Variants in ASTN1 observed in about 807,000 individuals in gnomAD.
ASTN1 encodes astrotactin 1, also known as astrotactin-1.
Under a neutral mutation model 140.7 loss-of-function variants are expected in ASTN1, and 41 were observed. The ratio of observed to expected loss-of-function variants is 0.29; its 90% CI spans 0.23 to 0.38. The LOEUF (loss-of-function observed/expected upper bound fraction) is 0.38. Among genes scored for constraint, ASTN1 ranks in the 10% least tolerant of loss-of-function variants. The probability of loss-of-function intolerance (pLI) is 1.00; values close to 1 mark genes in which losing one functional copy is unlikely to be tolerated. For missense variants in ASTN1, 1,479 were observed against 1,678.8 expected (o/e 0.88, Z 2.08); for synonymous variants, 640 against 652.2 (o/e 0.98, Z 0.29).
intron 1 of ASTN1, among the ~76,000 whole-genome samples, chr1:177,090,903 C>T (rs1214984870): frequency 6.7e-6 from 1 of 150,116 alleles, no homozygotes; most frequent in Non-Finnish European, 1.5e-5. Context: ...ATTCCTTTAC[C>T]ATTCTGTCTA....
chr1:177,050,601 A>G (rs1196428688), intron 2 of ASTN1, among the ~76,000 whole-genome samples: 1 of 152,130 alleles, frequency 6.6e-6, no homozygotes, highest in African/African-American at 2.4e-5. Context: ...ACCCCTTGCA[A>G]TCTTGGGGAA....
intron 5 of ASTN1, among the ~76,000 whole-genome samples, chr1:177,025,894 G>A (rs1274203382): frequency 6.6e-6 from 1 of 152,138 alleles, no homozygotes; most frequent in Non-Finnish European, 1.5e-5. Context: ...AGTCTTAGGA[G>A]GCAGCTCCCC....
intron 8 of ASTN1, among the ~76,000 whole-genome samples, chr1:177,004,854 G>A (rs549441994): frequency 6.6e-6 from 1 of 152,214 alleles, no homozygotes; most frequent in East Asian, 1.9e-4. Context: ...TTAAATCTAA[G>A]ATCTGAAACC....
chr1:177,076,277 T>G (rs1355055866), intron 1 of ASTN1, among the ~76,000 whole-genome samples: 1 of 29,356 alleles, frequency 3.4e-5, no homozygotes, highest in African/African-American at 1.1e-4. Context: ...AGACTATGTC[T>G]CAAAAAAAAA....
At chr1:177,106,685 A>G (rs930267058) in intron 1 of ASTN1, among the ~76,000 whole-genome samples, 1 of 152,228 alleles carries the variant, frequency 6.6e-6, no homozygotes, top group African/African-American at 2.4e-5. Context: ...CTAAGATTAT[A>G]GACTTCTCAT....
intron 16 of ASTN1, among the ~76,000 whole-genome samples, chr1:176,903,800 G>A (rs1669869220): frequency 6.6e-6 from 1 of 152,090 alleles, no homozygotes; most frequent in South Asian, 2.1e-4. Context: ...TTCCAGTTCT[G>A]GAGTCTTCAA....
At chr1:176,880,943 G>A (rs938115794) in intron 20 of ASTN1, among the ~76,000 whole-genome samples, 1 of 152,198 alleles carries the variant, frequency 6.6e-6, no homozygotes, top group African/African-American at 2.4e-5. Flanking sequence ...AATGAAGGCC[G>A]CCCTCCTCCC....
chr1:176,909,303 T>C (rs960690992), intron 16 of ASTN1, among the ~76,000 whole-genome samples: 1 of 152,226 alleles, frequency 6.6e-6, no homozygotes, highest in Non-Finnish European at 1.5e-5. Flanking sequence ...AAAGTTTTGA[T>C]GCATGAGATC....
intron 1 of ASTN1, among the ~76,000 whole-genome samples, chr1:177,065,491 T>A (rs1678310811): frequency 6.6e-6 from 1 of 152,194 alleles, no homozygotes; most frequent in African/African-American, 2.4e-5. Flanking sequence ...CATGAAGAAG[T>A]ACTCTAAGCA....
In ASTN1 at chr1:177,023,433, G is replaced by T; in HGVS notation, c.1409C>A (p.Pro470His). ...TTCGGGGTCACATTGGTGTTCACAG[G>T]GGTCCAGGAGCCGCCGGGCACAGAG... ...MDLCARRLLD[P>H]CEHQCDPETG... is the part of the protein sequence containing the mutation. Residue 470 changes from proline (P) to histidine (H), a missense_variant, in exon 7 of 23, where the codon CCC (proline) becomes CAC (histidine). Pro to His is a moderately conservative substitution (Grantham distance 77). Around this residue, in one of 3 missense-constraint regions of ASTN1, gnomAD observed 729 missense variants for 860.4 expected, o/e 0.85. Transcript: ENST00000361833. 1 of 1,601,522 alleles carries T rather than the reference G, an allele frequency of 6.2e-7. No homozygotes were observed. Among genetic ancestry groups the T allele is most frequent in the Non-Finnish European group, 8.5e-7 (1 of 1,174,254 alleles).
chr1:177,144,408 G>GCGCC (rs1682622949), intron 1 of ASTN1, among the ~76,000 whole-genome samples: 1 of 151,332 alleles, frequency 6.6e-6, no homozygotes, highest in Non-Finnish European at 1.5e-5. Context: ...ACCAGCCACC[G>GCGCC]CGCCCGGCTA....
chr1:177,108,347 C>CAAAAAAAAAAAAAA (rs71129596), intron 1 of ASTN1, among the ~76,000 whole-genome samples: 18 of 98,546 alleles, frequency 1.8e-4, no homozygotes, highest in East Asian at 3.3e-4. Context: ...GACTCCGTCT[C>CAAAAAAAAAAAAAA]AAAAAAAAAA....
intron 1 of ASTN1, among the ~76,000 whole-genome samples, chr1:177,118,712 T>A (rs1315083107): frequency 6.6e-6 from 1 of 152,174 alleles, no homozygotes; most frequent in Non-Finnish European, 1.5e-5. Context: ...TCAGGCTCCA[T>A]GGCATTTGGT....
intron 8 of ASTN1, among the ~76,000 whole-genome samples, chr1:176,984,064 G>A (rs1450208753): frequency 1.3e-5 from 2 of 152,316 alleles, no homozygotes; most frequent in African/African-American, 4.8e-5. Context: ...TAACAGCCCA[G>A]CCAGAGGCAA....
intron 16 of ASTN1, among the ~76,000 whole-genome samples, chr1:176,927,982 G>A (rs1388744296): frequency 1.3e-5 from 2 of 151,906 alleles, no homozygotes; most frequent in African/African-American, 4.8e-5. Context: ...TTTATTTTGA[G>A]ATTACATGTA....
intron 16 of ASTN1, among the ~76,000 whole-genome samples, chr1:176,910,202 A>T (rs1188654164): frequency 6.6e-6 from 1 of 152,250 alleles, no homozygotes; most frequent in Non-Finnish European, 1.5e-5. Flanking sequence ...TAAGAAGCGA[A>T]TGTTATCAAG....
chr1:176,992,915 G>T (rs747112032), intron 8 of ASTN1, among the ~76,000 whole-genome samples: 12 of 152,156 alleles, frequency 7.9e-5, no homozygotes, highest in Non-Finnish European at 1.8e-4. Context: ...AGAAGCTAGG[G>T]CCTTTAAAAA....
chr1:176,963,915 G>A (rs1037399935), intron 9 of ASTN1, among the ~76,000 whole-genome samples: 8 of 152,182 alleles, frequency 5.3e-5, no homozygotes, highest in African/African-American at 1.7e-4. Flanking sequence ...CCTCAAAAGC[G>A]GCCTGTAGCC....
At chr1:176,968,153 T>C (rs1459729825) in intron 8 of ASTN1, among the ~76,000 whole-genome samples, 2 of 152,236 alleles carry the variant, frequency 1.3e-5, no homozygotes, top group Non-Finnish European at 2.9e-5. Flanking sequence ...ATGAGGCAGA[T>C]GGTAATAACT....
Sources: allele counts gnomAD v4.1 joint callset (sites outside exome capture counted in the v4.1 genomes callset), GRCh38; gene constraint gnomAD v4.1.1; regional missense constraint gnomAD v4.1.1; transcripts MANE v1.5; gene names NCBI Gene and HGNC (gene_info 2026-07-23, HGNC 2026-07-21).